FBXL13: variants seen among roughly 807,000 people sequenced by gnomAD.
The protein encoded by FBXL13 is F-box and leucine rich repeat protein 13.
FBXL13 carries 67 observed loss-of-function variants against 83.6 expected under a neutral mutation model. The ratio of observed to expected loss-of-function variants is 0.80; its 90% CI spans 0.66 to 0.98. The LOEUF is 0.98. Ranked by LOEUF, FBXL13 falls within the 50% of genes least tolerant of loss-of-function variation. The pLI is 0.00. For synonymous variants in FBXL13, 272 were observed against 299.5 expected, an observed-to-expected ratio of 0.91 and a Z score of 0.95; for missense variants, 822 against 866.5, an observed-to-expected ratio of 0.95 and a Z score of 0.64.
chr7:102,837,793 T>G (rs1019085873), intron 17 of FBXL13, among the ~76,000 whole-genome samples: 3 of 152,234 alleles, frequency 2.0e-5, no homozygotes, highest in African/African-American at 7.2e-5. Context: ...TCCTTCCTCC[T>G]TGGCTTCCCA....
intron 11 of FBXL13, among the ~76,000 whole-genome samples, chr7:102,906,481 T>C (rs1002053355): frequency 6.6e-6 from 1 of 152,252 alleles, no homozygotes; most frequent in African/African-American, 2.4e-5. Flanking sequence ...GATTATTTAT[T>C]GCTTGCTTTT....
chr7:102,893,537 C>T (rs1271570248), intron 11 of FBXL13, among the ~76,000 whole-genome samples: 5 of 152,044 alleles, frequency 3.3e-5, no homozygotes, highest in South Asian at 4.1e-4. Flanking sequence ...GAGGCCGAGA[C>T]GGGCGGATCA....
At chr7:103,025,945 A>G (rs937548688) in intron 5 of FBXL13, among the ~76,000 whole-genome samples, 5 of 151,560 alleles carry the variant, frequency 3.3e-5, no homozygotes, top group African/African-American at 4.8e-5. Flanking sequence ...AATAAATCAT[A>G]TATCTAGAAA....
intron 6 of FBXL13, among the ~76,000 whole-genome samples, chr7:103,011,807 T>C (rs908829227): frequency 1.3e-4 from 20 of 151,038 alleles, no homozygotes; most frequent in African/African-American, 3.9e-4. Flanking sequence ...AAAAAAACAA[T>C]AAAGGAGAAT....
intron 5 of FBXL13, 142 bp downstream of exon 6, chr7:103,027,307 A>C (rs1794038693): frequency 1.7e-6 from 1 of 585,262 alleles, no homozygotes. Context: ...AAAAAAATAA[A>C]AATAAAAAAA....
chr7:103,005,200 A>G (rs554188917), intron 6 of FBXL13, among the ~76,000 whole-genome samples: 1 of 152,384 alleles, frequency 6.6e-6, no homozygotes, highest in East Asian at 1.9e-4. Context: ...AAATAAAAGC[A>G]TCTGATGTAA....
In FBXL13 at chr7:102,879,694, G is replaced by GT. The variant is rs1008330244; in HGVS notation, c.1389-1245dup. Reference sequence around the variant, plus strand: ...CTGAAGTGGGGCTTGGGCATCTATAGTTTTTTTTGTATGTTTGTTTGTTTG... The same window carrying GT: ...CTGAAGTGGGGCTTGGGCATCTATAGTTTTTTTTTGTATGTTTGTTTGTTTG... On this transcript the variant is annotated intron_variant, in intron 14 of 19. Transcript: ENST00000313221. Among the ~76,000 whole-genome samples, 10 of 151,824 alleles carry GT rather than the reference G, an allele frequency of 6.6e-5. 1 individual carries two copies. The highest frequency in any genetic ancestry group is 1.2e-4 in the African/African-American group (5 of 41,412).
intron 6 of FBXL13, among the ~76,000 whole-genome samples, chr7:103,004,367 C>T (rs1185118525): frequency 6.6e-6 from 1 of 152,146 alleles, no homozygotes; most frequent in Non-Finnish European, 1.5e-5. Context: ...AGGGAACAGT[C>T]CAACTGTGTG....
At chr7:102,863,478 A>C (rs761741082) in intron 16 of FBXL13, among the ~76,000 whole-genome samples, 3 of 148,200 alleles carry the variant, frequency 2.0e-5, no homozygotes, top group Non-Finnish European at 4.4e-5. Context: ...GATAAAACAG[A>C]GTATAAGTTT....
At chr7:102,824,511 T>A (rs543154665) in intron 18 of FBXL13, among the ~76,000 whole-genome samples, 3 of 152,168 alleles carry the variant, frequency 2.0e-5, no homozygotes, top group South Asian at 2.1e-4. Context: ...TTCTTTTTTT[T>A]ATTTTGCTCT....
chr7:102,931,295 C>CA (rs1223567082), intron 9 of FBXL13, among the ~76,000 whole-genome samples: 2 of 152,196 alleles, frequency 1.3e-5, no homozygotes, highest in Non-Finnish European at 2.9e-5. Flanking sequence ...GAGGCAGAGG[C>CA]AAAACCACAG....
At chr7:103,069,529 G>A (rs1216998150) in intron 1 of FBXL13, among the ~76,000 whole-genome samples, 1 of 152,194 alleles carries the variant, frequency 6.6e-6, no homozygotes, top group African/African-American at 2.4e-5. Context: ...CTTTCAGTCT[G>A]AGGAGACAGA....
chr7:102,981,882 C>G (rs1414848083), intron 6 of FBXL13, among the ~76,000 whole-genome samples: 1 of 152,140 alleles, frequency 6.6e-6, no homozygotes, highest in Non-Finnish European at 1.5e-5. Context: ...TCTATAGCAA[C>G]TATGTTTCCC....
At chr7:102,937,582 T>C (rs1473092532) in intron 8 of FBXL13, among the ~76,000 whole-genome samples, 1 of 152,172 alleles carries the variant, frequency 6.6e-6, no homozygotes, top group Non-Finnish European at 1.5e-5. Context: ...CTGTGGTTTA[T>C]ATAAATCTAG....
chr7:102,948,714 G>T (rs895217770), intron 8 of FBXL13, among the ~76,000 whole-genome samples: 1 of 148,968 alleles, frequency 6.7e-6, no homozygotes, highest in African/African-American at 2.5e-5. Flanking sequence ...GAGCCACCAC[G>T]CCCAGCCTTT....
chr7:102,839,569 C>T (rs1802573738), intron 17 of FBXL13, among the ~76,000 whole-genome samples: 1 of 152,162 alleles, frequency 6.6e-6, no homozygotes, highest in East Asian at 1.9e-4. Flanking sequence ...TCTCGTTCCT[C>T]AGCCTCTAGC....
At chr7:102,957,336 AGAAAGCT>A (rs1404940527) in intron 8 of FBXL13, among the ~76,000 whole-genome samples, 2 of 152,242 alleles carry the variant, frequency 1.3e-5, no homozygotes, top group African/African-American at 4.8e-5. Flanking sequence ...AGCCATATGC[AGAAAGCT>A]GAAACTGGAT....
chr7:102,898,956 G>A (rs1020696091), intron 11 of FBXL13, among the ~76,000 whole-genome samples: 2 of 151,662 alleles, frequency 1.3e-5, no homozygotes, highest in Middle Eastern at 3.4e-3. Context: ...TCACTCTGCC[G>A]CCCAGGCTGA....
At chr7:103,048,447 C>A (rs1215302093) in intron 2 of FBXL13, among the ~76,000 whole-genome samples, 2 of 149,052 alleles carry the variant, frequency 1.3e-5, no homozygotes, top group African/African-American at 2.5e-5. Flanking sequence ...AAACAAAAAT[C>A]TTTCATTACC....
Sources: gnomAD v4.1 joint callset for allele counts (sites outside exome capture counted in the v4.1 genomes callset) on GRCh38, gnomAD v4.1.1 for gene constraint, MANE v1.5 for transcripts, NCBI Gene and HGNC (gene_info 2026-07-23, HGNC 2026-07-21) for gene names.